Variants in GFOD1 observed in about 807,000 individuals in gnomAD.
GFOD1 encodes Gfo/Idh/MocA-like oxidoreductase domain containing 1.
In GFOD1, 9 loss-of-function variants were observed where a neutral mutation model predicts 25.4. That is an observed-to-expected ratio of 0.35 (90% CI 0.21 to 0.62). The LOEUF is 0.62. Ranked by LOEUF, GFOD1 falls within the 20% of genes least tolerant of loss-of-function variation. The pLI, the probability that GFOD1 is intolerant of heterozygous loss-of-function variation, is 0.72. For missense variants in GFOD1, 403 were observed against 556.9 expected, an observed-to-expected ratio of 0.72 and a Z score of 2.78; for synonymous variants, 253 against 245.6, an observed-to-expected ratio of 1.03 and a Z score of -0.28.
chr6:13,418,308 G>C (rs1219436648), intron 1 of GFOD1, among the ~76,000 whole-genome samples: 2 of 152,162 alleles, frequency 1.3e-5, no homozygotes, highest in African/African-American at 4.8e-5. Flanking sequence ...TTCTTGGAAG[G>C]GGAATTGTCC....
At chr6:13,407,112 T>C (rs1584633163) in intron 1 of GFOD1, among the ~76,000 whole-genome samples, 1 of 152,116 alleles carries the variant, frequency 6.6e-6, no homozygotes, top group East Asian at 1.9e-4. Flanking sequence ...TATTGGGCCA[T>C]GAAGGCAAAG....
At chr6:13,388,658 C>T (rs571427850) in intron 1 of GFOD1, among the ~76,000 whole-genome samples, 2 of 152,292 alleles carry the variant, frequency 1.3e-5, no homozygotes, top group Non-Finnish European at 2.9e-5. Flanking sequence ...ACCATAAAAA[C>T]ACTAGAAGAA....
At chr6:13,391,511 C>CAAAAA (rs57340590) in intron 1 of GFOD1, among the ~76,000 whole-genome samples, 21 of 108,624 alleles carry the variant, frequency 1.9e-4, no homozygotes, top group Admixed American at 3.2e-4. Context: ...AACAAACAAA[C>CAAAAA]AAAAAAAAAA....
At chr6:13,424,717 GT>G (rs145536073) in intron 1 of GFOD1, among the ~76,000 whole-genome samples, 11 of 151,744 alleles carry the variant, frequency 7.2e-5, no homozygotes, top group African/African-American at 1.9e-4. Context: ...TGATACAAGG[GT>G]TTTTTTTCTT....
At chr6:13,398,924 CTAGCACAAA>C (rs1785789529) in intron 1 of GFOD1, among the ~76,000 whole-genome samples, 1 of 152,178 alleles carries the variant, frequency 6.6e-6, no homozygotes, top group African/African-American at 2.4e-5. Flanking sequence ...GTTATTTTTT[CTAGCACAAA>C]TCATGAGCCA....
In GFOD1 at chr6:13,360,715, A is replaced by G. The variant is rs1380751738; in HGVS notation, c.*4028T>C. On this transcript the variant is annotated 3_prime_UTR_variant, in exon 2 of 2. Transcript: ENST00000379287. ...CTACAGCCTCCTGGCAGAACATCAG[A>G]TGTTGCATCCTGCTGAACAGGAGGG... 2 of 456,766 alleles carry G rather than the reference A, an allele frequency of 4.4e-6. No homozygotes were observed. Among genetic ancestry groups the G allele is most frequent in the South Asian group, 3.1e-5 (2 of 64,572 alleles). The allele number at this position is 456,766 out of a possible 1,614,324, so 28.3% of individuals were successfully genotyped here.
intron 1 of GFOD1, among the ~76,000 whole-genome samples, chr6:13,409,095 A>AAGAAAGAAAGAAAG (rs1217725190): frequency 1.7e-5 from 1 of 57,676 alleles, no homozygotes; most frequent in East Asian, 5.3e-4. Context: ...AAAGGAAAGA[A>AAGAAAGAAAGAAAG]AGAAAGAAAG....
chr6:13,421,999 T>C (rs1786265425), intron 1 of GFOD1, among the ~76,000 whole-genome samples: 1 of 152,148 alleles, frequency 6.6e-6, no homozygotes, highest in African/African-American at 2.4e-5. Context: ...GGGAGAAATA[T>C]ATCCACAGGG....
chr6:13,458,230 G>A (rs1174266581), intron 1 of GFOD1, among the ~76,000 whole-genome samples: 4 of 152,090 alleles, frequency 2.6e-5, no homozygotes, highest in Admixed American at 2.0e-4. Flanking sequence ...TGATTCTCCT[G>A]CCCCAGCCTC....
At chr6:13,410,585 AGAGAGAGAGAGAGAG>A (rs1562210349) in intron 1 of GFOD1, among the ~76,000 whole-genome samples, 2 of 30,184 alleles carry the variant, frequency 6.6e-5, no homozygotes, top group East Asian at 2.4e-3. Flanking sequence ...AAGGAGAGAG[AGAGAGAGAGAGAGAG>A]AGAGAGAGAG....
intron 1 of GFOD1, among the ~76,000 whole-genome samples, chr6:13,409,172 A>AAAGAAAG (rs1554201904): frequency 0.1 from 5,413 of 52,926 alleles, 1,180 homozygotes; most frequent in African/African-American, 0.2. Context: ...GAAAGGAAAG[A>AAAGAAAG]GAGAGAGAGA....
chr6:13,463,503 G>C (rs1313959716), intron 1 of GFOD1, among the ~76,000 whole-genome samples: 2 of 152,190 alleles, frequency 1.3e-5, no homozygotes, highest in Non-Finnish European at 2.9e-5. Flanking sequence ...AAACGTCTAT[G>C]GACAGGACTG....
At chr6:13,445,664 A>G (rs1449165892) in intron 1 of GFOD1, among the ~76,000 whole-genome samples, 1 of 152,208 alleles carries the variant, frequency 6.6e-6, no homozygotes, top group Non-Finnish European at 1.5e-5. Context: ...CTTGCTTTCA[A>G]AAGAAAGGCA....
chr6:13,457,019 A>T (rs1225923602), intron 1 of GFOD1, among the ~76,000 whole-genome samples: 1 of 152,202 alleles, frequency 6.6e-6, no homozygotes, highest in Non-Finnish European at 1.5e-5. Flanking sequence ...CACCTGGGAA[A>T]ATCAAAGATG....
chr6:13,417,944 T>C (rs1040398653), intron 1 of GFOD1, among the ~76,000 whole-genome samples: 1 of 152,156 alleles, frequency 6.6e-6, no homozygotes, highest in African/African-American at 2.4e-5. Context: ...GCCATTTTCA[T>C]CAATGCATGG....
intron 1 of GFOD1, among the ~76,000 whole-genome samples, chr6:13,448,244 A>C (rs76378907): frequency 0.01 from 1,537 of 152,316 alleles, 21 homozygotes; most frequent in African/African-American, 0.035. Context: ...GGGGACAATC[A>C]TCTTATACAT....
At chr6:13,409,057 C>T (rs1166835689) in intron 1 of GFOD1, among the ~76,000 whole-genome samples, 1 of 139,366 alleles carries the variant, frequency 7.2e-6, no homozygotes, top group African/African-American at 2.8e-5. Context: ...TGCCCTCCAG[C>T]CTGGGTGACA....
chr6:13,380,543 C>CAT (rs2127558432), intron 1 of GFOD1, among the ~76,000 whole-genome samples: 1 of 152,274 alleles, frequency 6.6e-6, no homozygotes, highest in South Asian at 2.1e-4. Flanking sequence ...CAATTTATGA[C>CAT]ATACACACAC....
intron 1 of GFOD1, among the ~76,000 whole-genome samples, chr6:13,448,042 G>T (rs1278903996): frequency 6.6e-6 from 1 of 152,114 alleles, no homozygotes; most frequent in Non-Finnish European, 1.5e-5. Context: ...TGGCTTCCAA[G>T]TCTCTGGTGT....
Sources: gnomAD v4.1 joint callset for allele counts (sites outside exome capture counted in the v4.1 genomes callset) on GRCh38, gnomAD v4.1.1 for gene constraint, MANE v1.5 for transcripts, NCBI Gene and HGNC (gene_info 2026-07-23, HGNC 2026-07-21) for gene names.